The following SV2C variants were observed in gnomAD, a reference collection of about 807,000 sequenced individuals.
SV2C encodes solute carrier family 22 member B3.
In SV2C, 49 loss-of-function variants were observed where a neutral mutation model predicts 79.7. The observed-to-expected ratio is 0.61, with a 90% confidence interval of 0.49 to 0.78. The LOEUF (loss-of-function observed/expected upper bound fraction) is 0.78. SV2C is among the 30% of genes least tolerant of loss of function. SV2C has a pLI of 0.00. For missense variants in SV2C, 833 were observed against 912.9 expected, an observed-to-expected ratio of 0.91 and a Z score of 1.13; for synonymous variants, 334 against 333.2, an observed-to-expected ratio of 1.00 and a Z score of -0.03.
the SV2C span, among the ~76,000 whole-genome samples, chr5:76,076,802 A>G: frequency 3.3e-5 from 5 of 152,184 alleles, no homozygotes; most frequent in African/African-American, 1.2e-4. Flanking sequence ...GCAGTCCCCT[A>G]TATTGGTAGA....
chr5:75,997,308 G>T, the SV2C span, among the ~76,000 whole-genome samples: 1 of 152,098 alleles, frequency 6.6e-6, no homozygotes, highest in African/African-American at 2.4e-5. Context: ...AACACCAAAA[G>T]CAATGGACAA....
chr5:76,351,090 A>G (rs1407216976), intron 12 of SV2C, among the ~76,000 whole-genome samples: 1 of 152,156 alleles, frequency 6.6e-6, no homozygotes, highest in African/African-American at 2.4e-5. Context: ...GGGTCGGTGC[A>G]ACTTCAGATT....
the SV2C span, among the ~76,000 whole-genome samples, chr5:75,894,514 T>G: frequency 1.3e-5 from 2 of 152,034 alleles, no homozygotes; most frequent in Non-Finnish European, 1.5e-5. Flanking sequence ...TGTTTGGAGC[T>G]CCTTTCAAAG....
chr5:76,351,693 T>C (rs1204489217), intron 12 of SV2C, among the ~76,000 whole-genome samples: 1 of 152,224 alleles, frequency 6.6e-6, no homozygotes, highest in East Asian at 1.9e-4. Flanking sequence ...GTTGGTCTTC[T>C]GTCCCAGTCA....
the SV2C span, among the ~76,000 whole-genome samples, chr5:76,003,635 G>A: frequency 6.6e-6 from 1 of 152,070 alleles, no homozygotes; most frequent in African/African-American, 2.4e-5. Flanking sequence ...GCTTTAGGGA[G>A]GGTGAGAAGG....
chr5:76,122,748 C>T (rs1748560360), intron 1 of SV2C, among the ~76,000 whole-genome samples: 1 of 151,804 alleles, frequency 6.6e-6, no homozygotes, highest in African/African-American at 2.4e-5. Flanking sequence ...ATTTATAGCA[C>T]TAAATGCCCA....
At chr5:76,139,378 C>G (rs1421170373) in intron 2 of SV2C, among the ~76,000 whole-genome samples, 2 of 152,142 alleles carry the variant, frequency 1.3e-5, no homozygotes, top group Non-Finnish European at 2.9e-5. Flanking sequence ...ATTACATGTT[C>G]CAAAGCAACT....
chr5:75,967,898 T>C, the SV2C span, among the ~76,000 whole-genome samples: 1 of 152,108 alleles, frequency 6.6e-6, no homozygotes, highest in African/African-American at 2.4e-5. Context: ...GACCCCCAAG[T>C]AGCCTAACTG....
the SV2C span, among the ~76,000 whole-genome samples, chr5:75,908,451 C>G: frequency 2.6e-5 from 4 of 152,198 alleles, no homozygotes; most frequent in African/African-American, 2.4e-5. Context: ...AAATTTTGCT[C>G]ATCCATTCAT....
the SV2C span, among the ~76,000 whole-genome samples, chr5:75,960,127 A>G: frequency 6.6e-6 from 1 of 152,022 alleles, no homozygotes; most frequent in African/African-American, 2.4e-5. Flanking sequence ...TTGAAGGTCA[A>G]TGGAACTTTT....
At chr5:76,229,960 C>T (rs1345343704) in intron 4 of SV2C, among the ~76,000 whole-genome samples, 5 of 152,064 alleles carry the variant, frequency 3.3e-5, no homozygotes, top group African/African-American at 7.3e-5. Flanking sequence ...GGTATATGCC[C>T]GGAGAAATTC....
At chr5:75,863,636 G>T in the SV2C span, among the ~76,000 whole-genome samples, 1 of 152,176 alleles carries the variant, frequency 6.6e-6, no homozygotes, top group East Asian at 1.9e-4. Flanking sequence ...AGAAGGGTTT[G>T]TATGCAGTGG....
At chr5:75,921,226 G>A in the SV2C span, 10 of 1,219,980 alleles carry the variant, frequency 8.2e-6, no homozygotes, top group Non-Finnish European at 1.2e-5. Context: ...TGTGGTCAGT[G>A]GGACACTTCC....
At chr5:75,997,574 A>ACATG in the SV2C span, among the ~76,000 whole-genome samples, 5 of 152,228 alleles carry the variant, frequency 3.3e-5, no homozygotes, top group Non-Finnish European at 7.3e-5. Flanking sequence ...TATGCAACCA[A>ACATG]AACACACATG....
At chr5:75,916,617 G>A in the SV2C span, among the ~76,000 whole-genome samples, 1 of 152,220 alleles carries the variant, frequency 6.6e-6, no homozygotes, top group South Asian at 2.1e-4. Context: ...TGGGATTACA[G>A]GCACACACCA....
chr5:76,046,603 T>A, the SV2C span, among the ~76,000 whole-genome samples: 1 of 152,150 alleles, frequency 6.6e-6, no homozygotes. Flanking sequence ...CCAACTGCAT[T>A]CCACAGCACT....
the SV2C span, among the ~76,000 whole-genome samples, chr5:76,073,544 T>TATATATATATATATATATATAAATAC: frequency 2.5e-5 from 3 of 121,084 alleles, no homozygotes; most frequent in African/African-American, 9.6e-5. Flanking sequence ...TATATATATA[T>TATATATATATATATATATATAAATAC]ACACCATGGA....
the SV2C span, among the ~76,000 whole-genome samples, chr5:76,040,373 G>A: frequency 1.3e-5 from 2 of 152,140 alleles, no homozygotes; most frequent in African/African-American, 4.8e-5. Context: ...CAGTTTCCTG[G>A]TAAGTAATTA....
At chr5:76,139,834 A>G (rs1749193467) in intron 2 of SV2C, among the ~76,000 whole-genome samples, 1 of 148,184 alleles carries the variant, frequency 6.7e-6, no homozygotes, top group Admixed American at 6.8e-5. Context: ...ACTTTTTTCC[A>G]TTTTTAGAAG....
Sources: allele counts gnomAD v4.1 joint callset (sites outside exome capture counted in the v4.1 genomes callset), GRCh38; gene constraint gnomAD v4.1.1; transcripts MANE v1.5; gene names NCBI Gene and HGNC (gene_info 2026-07-23, HGNC 2026-07-21).